ARB2A: variants seen among roughly 807,000 people sequenced by gnomAD.
ARB2A encodes the protein ARB2 cotranscriptional regulator A.
chr5:94,015,035 T>A, the ARB2A span, among the ~76,000 whole-genome samples: 7 of 151,910 alleles, frequency 4.6e-5, no homozygotes, highest in East Asian at 1.4e-3. Context: ...AATATCCAGG[T>A]ACATGAAGGC....
the ARB2A span, among the ~76,000 whole-genome samples, chr5:93,853,531 G>A: frequency 2.6e-5 from 4 of 152,110 alleles, no homozygotes; most frequent in Non-Finnish European, 4.4e-5. Context: ...TCCCTGTCTT[G>A]TGCCAGTTTT....
the ARB2A span, among the ~76,000 whole-genome samples, chr5:94,081,375 C>A: frequency 2.0e-5 from 3 of 152,146 alleles, no homozygotes; most frequent in African/African-American, 4.8e-5. Context: ...CATGTCCCCA[C>A]CAAAACTTAT....
chr5:93,970,788 A>G, the ARB2A span, among the ~76,000 whole-genome samples: 1 of 152,200 alleles, frequency 6.6e-6, no homozygotes, highest in Non-Finnish European at 1.5e-5. Context: ...GGATACTTAC[A>G]AAACAGTTGA....
chr5:93,724,653 G>A, the ARB2A span, among the ~76,000 whole-genome samples: 1 of 151,954 alleles, frequency 6.6e-6, no homozygotes, highest in Admixed American at 6.6e-5. Context: ...TTGAAATATA[G>A]TCACTAGGTG....
At chr5:93,963,675 T>C in the ARB2A span, among the ~76,000 whole-genome samples, 1 of 151,998 alleles carries the variant, frequency 6.6e-6, no homozygotes, top group Non-Finnish European at 1.5e-5. Flanking sequence ...ATATGCAAAG[T>C]GTTGTGCCTT....
chr5:93,757,323 A>C, the ARB2A span, among the ~76,000 whole-genome samples: 1 of 152,208 alleles, frequency 6.6e-6, no homozygotes, highest in Non-Finnish European at 1.5e-5. Context: ...AATCCAGGAA[A>C]ACTTACCCAG....
chr5:94,041,813 T>G, the ARB2A span, among the ~76,000 whole-genome samples: 2 of 152,172 alleles, frequency 1.3e-5, no homozygotes, highest in African/African-American at 4.8e-5. Flanking sequence ...AATGTGGAGT[T>G]AGCCACGTCC....
At chr5:93,690,819 G>A in the ARB2A span, among the ~76,000 whole-genome samples, 1 of 151,982 alleles carries the variant, frequency 6.6e-6, no homozygotes, top group Non-Finnish European at 1.5e-5. Flanking sequence ...CTGGCATATG[G>A]TGGGATGAAG....
the ARB2A span, among the ~76,000 whole-genome samples, chr5:93,685,437 A>G: frequency 3.9e-5 from 6 of 152,322 alleles, no homozygotes; most frequent in Middle Eastern, 6.8e-3. Flanking sequence ...CATTCTTTGT[A>G]CAATTATTTT....
At chr5:93,854,884 G>C in the ARB2A span, among the ~76,000 whole-genome samples, 1 of 152,004 alleles carries the variant, frequency 6.6e-6, no homozygotes. Context: ...CCAACTATGT[G>C]GTCAATTTTG....
the ARB2A span, among the ~76,000 whole-genome samples, chr5:93,912,066 G>C: frequency 1.3e-5 from 2 of 151,628 alleles, no homozygotes; most frequent in Non-Finnish European, 3.0e-5. Flanking sequence ...TCAGAGCTTA[G>C]TTTTCATGTT....
the ARB2A span, among the ~76,000 whole-genome samples, chr5:94,007,208 T>C: frequency 3.3e-5 from 5 of 152,142 alleles, no homozygotes; most frequent in East Asian, 7.7e-4. Flanking sequence ...CAAGGAACCA[T>C]ACATGTCATT....
At chr5:93,957,803 C>A in the ARB2A span, among the ~76,000 whole-genome samples, 1 of 151,898 alleles carries the variant, frequency 6.6e-6, no homozygotes, top group Non-Finnish European at 1.5e-5. Flanking sequence ...TAATCATCAG[C>A]GTATTAAAGA....
At chr5:93,782,032 G>T in the ARB2A span, 2 of 548,292 alleles carry the variant, frequency 3.6e-6, no homozygotes, top group Non-Finnish European at 4.6e-6. Flanking sequence ...CTCTTATCTT[G>T]CCAACCCACA....
chr5:94,050,885 A>G, the ARB2A span: 1 of 1,216,170 alleles, frequency 8.2e-7, no homozygotes, highest in Non-Finnish European at 1.2e-6. Flanking sequence ...TGACAATAAT[A>G]TAAACAGTAC....
At chr5:94,053,026 C>A in the ARB2A span, 3 of 507,072 alleles carry the variant, frequency 5.9e-6, no homozygotes, top group Non-Finnish European at 9.9e-6. Context: ...CAAATAATAT[C>A]TGTCTTATTA....
At chr5:93,648,691 T>A in the ARB2A span, among the ~76,000 whole-genome samples, 1 of 152,228 alleles carries the variant, frequency 6.6e-6, no homozygotes, top group African/African-American at 2.4e-5. Context: ...CATGCATGGA[T>A]GCTGAGGGCT....
the ARB2A span, chr5:94,074,593 C>T: frequency 1.0e-5 from 14 of 1,363,416 alleles, no homozygotes; most frequent in Non-Finnish European, 1.4e-5. Context: ...AATATTCCTA[C>T]ACCTTTATTA....
At chr5:93,851,245 T>C in the ARB2A span, among the ~76,000 whole-genome samples, 65 of 152,204 alleles carry the variant, frequency 4.3e-4, no homozygotes, top group Admixed American at 1.2e-3. Flanking sequence ...TATTTCATTA[T>C]TTCAGGGAAT....
Sources: gnomAD v4.1 joint callset for allele counts (sites outside exome capture counted in the v4.1 genomes callset) on GRCh38, gnomAD v4.1.1 for gene constraint, MANE v1.5 for transcripts, NCBI Gene and HGNC (gene_info 2026-07-23, HGNC 2026-07-21) for gene names.